The following FIBCD1 variants were observed in gnomAD, a reference collection of about 807,000 sequenced individuals.
FIBCD1 encodes the protein fibrinogen C domain containing 1, also known as fibrinogen C domain-containing protein 1.
A neutral mutation model predicts 45.1 loss-of-function variants in FIBCD1; 47 were observed. The ratio of observed to expected loss-of-function variants is 1.04; its 90% CI spans 0.82 to 1.33. The LOEUF is 1.33. FIBCD1 is among the 40% of genes most tolerant of loss of function. The pLI is 0.00. For synonymous variants in FIBCD1, 313 were observed against 308.1 expected, an observed-to-expected ratio of 1.02 and a Z score of -0.17; for missense variants, 653 against 682.2, an observed-to-expected ratio of 0.96 and a Z score of 0.48.
chr9:130,916,377 T>A (rs551180451), intron 4 of FIBCD1, among the ~76,000 whole-genome samples: 3 of 152,352 alleles, frequency 2.0e-5, no homozygotes, highest in African/African-American at 7.2e-5. Flanking sequence ...CCACGGGCTG[T>A]CCTGATTTCT....
intron 4 of FIBCD1, 143 bp downstream of exon 4, chr9:130,923,601 G>T: frequency 7.7e-7 from 1 of 1,304,070 alleles, no homozygotes; most frequent in Non-Finnish European, 1.0e-6. Context: ...GTCAGGCCAG[G>T]CAGAAGGGCA....
In FIBCD1 at chr9:130,912,235, A is replaced by G. The variant is rs113360546; in HGVS notation, c.850-347T>C. 1.7e-3 allele frequency among the ~76,000 whole-genome samples: 260 copies of G among 151,820 alleles called. 2 individuals are homozygous for G. Among genetic ancestry groups the G allele is most frequent in the African/African-American group, 5.4e-3 (222 of 41,382 alleles). On this transcript the variant is annotated intron_variant, in intron 4 of 6. Transcript: ENST00000372338. ...GTTCGAGACAACATAGTGAGACCCC[A>G]TCTTTACAAAAAATTTAAAAATTAG...
intron 4 of FIBCD1, among the ~76,000 whole-genome samples, chr9:130,913,829 G>A (rs1293237758): frequency 1.3e-5 from 2 of 152,206 alleles, no homozygotes; most frequent in Non-Finnish European, 2.9e-5. Context: ...CGGCAGGCCC[G>A]AAGCCCCCTG....
chr9:130,932,066 C>T (rs912956812), intron 1 of FIBCD1, among the ~76,000 whole-genome samples: 5 of 152,210 alleles, frequency 3.3e-5, no homozygotes, highest in African/African-American at 1.2e-4. Flanking sequence ...CGCATGTTCT[C>T]TTTTTTTCAC....
intron 4 of FIBCD1, among the ~76,000 whole-genome samples, chr9:130,915,936 TTTC>T (rs934637654): frequency 1.6e-4 from 23 of 145,366 alleles, no homozygotes; most frequent in African/African-American, 4.9e-4. Flanking sequence ...GCATAGATAT[TTTC>T]TTTTTTCTTT....
intron 1 of FIBCD1, among the ~76,000 whole-genome samples, chr9:130,931,873 C>T (rs1832451364): frequency 6.6e-6 from 1 of 152,256 alleles, no homozygotes; most frequent in African/African-American, 2.4e-5. Context: ...TTCAACTTTC[C>T]GAATTTGAGA....
chr9:130,904,455 A>C, intron 6 of FIBCD1, 132 bp from the exon 7 acceptor site: 1 of 1,336,102 alleles, frequency 7.5e-7, no homozygotes, highest in Non-Finnish European at 1.0e-6. Context: ...ACGTGCTCTC[A>C]CACATACTGC....
intron 1 of FIBCD1, among the ~76,000 whole-genome samples, chr9:130,933,307 G>C (rs755394344): frequency 6.6e-6 from 1 of 152,244 alleles, no homozygotes; most frequent in Non-Finnish European, 1.5e-5. Context: ...CAACTGGTAT[G>C]CCTGAGGCTG....
rs199889341 is a variant in FIBCD1, at chr9:130,904,083, G to T, written c.1367C>A (p.Pro456Gln). 3.7e-6 allele frequency: 6 copies of T among 1,612,608 alleles called. No homozygotes were observed. In the South Asian group the frequency reaches 5.5e-5, roughly 15 times the overall value. Residue 456 changes from proline to glutamine, a missense_variant, in exon 7 of 7, where the codon CCG (proline) becomes CAG (glutamine). Coordinates refer to ENST00000372338, the MANE Select transcript of FIBCD1 (RefSeq NM_032843.5). ...SLKFSEMKIR[P>Q]VREDR ...ACCAGTCTAGCGGTCCTCCCGGACC[G>T]GCCGGATCTTCATCTCAGAGAACTT...
chr9:130,933,455 G>C (rs1832470921), intron 1 of FIBCD1, among the ~76,000 whole-genome samples: 1 of 152,188 alleles, frequency 6.6e-6, no homozygotes, highest in African/African-American at 2.4e-5. Flanking sequence ...ACCGGGGCCT[G>C]AGCCGGGAGC....
intron 5 of FIBCD1, among the ~76,000 whole-genome samples, chr9:130,909,586 T>C (rs1831999767): frequency 6.6e-6 from 1 of 152,100 alleles, no homozygotes; most frequent in Non-Finnish European, 1.5e-5. Flanking sequence ...GTAAATTATA[T>C]CTCAAGAACA....
At position 130,929,572 on chromosome 9, in the gene FIBCD1, T is replaced by A; in HGVS notation, c.547A>T (p.Ile183Phe). ...GATGCAGACCCCAGCCCTACCTGGA[T>A]GAGGCGGCCCTGCTCACTCTGCAGG... The part of the protein sequence containing the change: ...SALQSEQGRL[I>F]QLLSESQGHM... The change falls in exon 2 of 7, where the codon ATC becomes TTC. Residue 183 changes from isoleucine (I) to phenylalanine (F), a missense_variant. Transcript: ENST00000372338. 6.7e-7 allele frequency: 1 copy of A among 1,501,588 alleles called. No individual in the cohort carries two copies. Among genetic ancestry groups the A allele is most frequent in the Non-Finnish European group, 8.9e-7 (1 of 1,127,870 alleles). 93.0% of individuals were successfully genotyped at this position (1,501,588 alleles called of 1,614,324 possible). A position where few individuals can be genotyped will look rare whatever the true frequency, so the allele number is the denominator to read the frequency against.
chr9:130,916,416 C>T, intron 4 of FIBCD1, among the ~76,000 whole-genome samples: 1 of 152,254 alleles, frequency 6.6e-6, no homozygotes, highest in South Asian at 2.1e-4. Flanking sequence ...ACTGCCTGTG[C>T]CGGGCCCTGT....
rs371842088 is a variant in FIBCD1, at chr9:130,924,270, C to T, written c.679G>A (p.Ala227Thr). 1.3e-4 allele frequency: 216 copies of T among 1,600,724 alleles called. No homozygotes were observed. The highest frequency in any genetic ancestry group is 1.8e-4 in the Non-Finnish European group (209 of 1,175,320). Residue 227 changes from alanine to threonine, a missense_variant, in exon 3 of 7, where the codon GCC becomes ACC. Ala to Thr is a moderately conservative substitution (Grantham distance 58). Transcript: ENST00000372338. Reference protein sequence around the residue: ...RNKADLQRAPARGTRPRGCAT... With the variant: ...RNKADLQRAPTRGTRPRGCAT... ...CAGCCCCGGGGCCGGGTTCCCCGGG[C>T]AGGCGCTCTCTGAAGGTCGGCCTTG...
chr9:130,929,929 G>A lies in FIBCD1; in HGVS notation c.190C>T (p.Pro64Ser). Residue 64 changes from proline (P) to serine (S), a missense_variant, in exon 2 of 7, where the codon CCC becomes TCC. Transcript: ENST00000372338. ...GCCCCAGTGCTGACGACAGGTGGGGGCGCCGTGCCCGGCGCGTGGGCGTGG... is the reference window on the plus strand; with the variant it reads ...GCCCCAGTGCTGACGACAGGTGGGGACGCCGTGCCCGGCGCGTGGGCGTGG... ...LNHAHAPGTA[P>S]PPVVSTGAAS... The A allele has an allele frequency of 1.3e-6, 2 of 1,549,104 alleles. No homozygotes were observed. Among genetic ancestry groups the A allele is most frequent in the Non-Finnish European group, 1.7e-6 (2 of 1,146,328 alleles).
chr9:130,916,281 AAAT>A lies in FIBCD1; in HGVS notation c.850-4396_850-4394del, dbSNP rs372203548. On this transcript the variant is annotated intron_variant, in intron 4 of 6. Coordinates refer to ENST00000372338, the MANE Select transcript of FIBCD1 (RefSeq NM_032843.5). ...TCTATTCCACTCTATTTGATTGAAAAAATAATGTTGATCAAACCCATTCAGTTG... is the reference window on the plus strand; with the variant it reads ...TCTATTCCACTCTATTTGATTGAAAAAATGTTGATCAAACCCATTCAGTTG... Among the ~76,000 whole-genome samples, 252 of 152,268 alleles carry A rather than the reference AAAT, an allele frequency of 1.7e-3. 1 individual carries two copies. The highest frequency in any genetic ancestry group is 5.9e-3 in the African/African-American group (243 of 41,496).
In FIBCD1 at chr9:130,903,965, C is replaced by T. The variant is rs533262544; in HGVS notation, c.*99G>A. 12 of 1,501,536 alleles carry T rather than the reference C, an allele frequency of 8.0e-6. No homozygotes were observed. The African/African-American group carries it at 1.1e-4, about 14-fold the overall frequency. 93.0% of individuals were successfully genotyped at this position (1,501,536 alleles called of 1,614,324 possible). ...GCCCCTCCCTACTGGAGAGTGGGTCCGCCAGGCACAGGTGGGTGGAGAACA... is the reference window on the plus strand; with the variant it reads ...GCCCCTCCCTACTGGAGAGTGGGTCTGCCAGGCACAGGTGGGTGGAGAACA... On this transcript the variant is annotated 3_prime_UTR_variant, in exon 7 of 7. Transcript: ENST00000372338.
chr9:130,933,286 G>A (rs544580523), intron 1 of FIBCD1, among the ~76,000 whole-genome samples: 19 of 152,324 alleles, frequency 1.2e-4, no homozygotes, highest in Middle Eastern at 6.8e-3. Context: ...GGCTCTGGGC[G>A]CTGAGCAGCC....
chr9:130,914,905 G>A (rs1228992570), intron 4 of FIBCD1, among the ~76,000 whole-genome samples: 2 of 152,196 alleles, frequency 1.3e-5, no homozygotes, highest in Non-Finnish European at 2.9e-5. Context: ...GCGTGCCCAT[G>A]TCCCTCCCCA....
Sources: allele counts gnomAD v4.1 joint callset (sites outside exome capture counted in the v4.1 genomes callset), GRCh38; gene constraint gnomAD v4.1.1; transcripts MANE v1.5; gene names NCBI Gene and HGNC (gene_info 2026-07-23, HGNC 2026-07-21).